Variants in DHTKD1 observed in about 807,000 individuals in gnomAD.
The protein encoded by DHTKD1 is dehydrogenase E1 and transketolase domain containing 1.
Under a neutral mutation model 101.8 loss-of-function variants are expected in DHTKD1, and 78 were observed. The ratio of observed to expected loss-of-function variants is 0.77; its 90% CI spans 0.64 to 0.93. The LOEUF (loss-of-function observed/expected upper bound fraction) is 0.93. DHTKD1 is among the 40% of genes least tolerant of loss of function. The pLI is 0.00. For synonymous variants in DHTKD1, 462 were observed against 450.3 expected (o/e 1.03, Z -0.33); for missense variants, 1,223 against 1,161.7 (o/e 1.05, Z -0.77).
intron 1 of DHTKD1, among the ~76,000 whole-genome samples, chr10:12,077,772 C>T (rs1037291181): frequency 3.3e-5 from 5 of 151,604 alleles, no homozygotes; most frequent in African/African-American, 9.7e-5. Context: ...TACTCATGCT[C>T]TCTAGGGACA....
intron 14 of DHTKD1, 87 bp downstream of exon 14, chr10:12,117,842 G>A (rs1308751445): frequency 1.3e-5 from 2 of 149,400 alleles, no homozygotes; most frequent in Non-Finnish European, 2.4e-5. Context: ...CACAGGTGAT[G>A]CAGATCTCCC....
intron 12 of DHTKD1, among the ~76,000 whole-genome samples, chr10:12,109,926 G>A (rs979015954): frequency 6.6e-6 from 1 of 152,070 alleles, no homozygotes; most frequent in South Asian, 2.1e-4. Flanking sequence ...AGTCTGTCTG[G>A]GACATATTAA....
chr10:12,082,275 G>A (rs1008863632), intron 2 of DHTKD1, among the ~76,000 whole-genome samples: 1 of 152,134 alleles, frequency 6.6e-6, no homozygotes, highest in Non-Finnish European at 1.5e-5. Context: ...ACTCATAGCT[G>A]CTCAGTGGCA....
At chr10:12,100,302 G>GTTTTTTTTT in intron 9 of DHTKD1, 40 bp downstream of exon 9, 2 of 40,430 alleles carry the variant, frequency 4.9e-5, no homozygotes, top group Non-Finnish European at 7.1e-5. Context: ...TTTTTTTTTT[G>GTTTTTTTTT]AGTCTCACCC....
rs574565451 is a variant in DHTKD1 at position 12,074,644 on chromosome 10, T to C, written c.154+5457T>C. ...AAGTGCTGGGATTAGAGGCGTGAGC[T>C]ACCGCGGGTCTTGCTATGTTGCCCC... On this transcript the variant is annotated intron_variant, in intron 1 of 16. Coordinates refer to ENST00000263035, the MANE Select transcript of DHTKD1 (RefSeq NM_018706.7). 7.5e-5 allele frequency among the ~76,000 whole-genome samples: 8 copies of C among 106,048 alleles called. No individual in the cohort carries two copies. The South Asian group carries it at 3.0e-3, about 40-fold the overall frequency. The allele number at this position is 106,048 out of a possible 152,430, so 69.6% of individuals were successfully genotyped here.
intron 6 of DHTKD1, among the ~76,000 whole-genome samples, chr10:12,093,168 C>T (rs1032599313): frequency 2.0e-5 from 3 of 151,920 alleles, no homozygotes; most frequent in East Asian, 1.9e-4. Flanking sequence ...CTCAGCCTCC[C>T]GAGTAGCTGG....
At chr10:12,100,566 G>T (rs1478335249) in intron 9 of DHTKD1, among the ~76,000 whole-genome samples, 5 of 152,144 alleles carry the variant, frequency 3.3e-5, no homozygotes, top group South Asian at 4.2e-4. Flanking sequence ...CCCAGCCAAG[G>T]TAAGAATTTT....
intron 7 of DHTKD1, among the ~76,000 whole-genome samples, chr10:12,097,166 C>A (rs1833083328): frequency 6.6e-6 from 1 of 152,146 alleles, no homozygotes; most frequent in Non-Finnish European, 1.5e-5. Flanking sequence ...GCGAACAACT[C>A]AGTGGCATTT....
chr10:12,118,281 C>G (rs1207446506), intron 14 of DHTKD1, among the ~76,000 whole-genome samples: 2 of 151,994 alleles, frequency 1.3e-5, no homozygotes, highest in African/African-American at 4.8e-5. Flanking sequence ...GAAGAAGGGT[C>G]CCCAGGAATA....
chr10:12,115,101 AACAG>A (rs1833395493), intron 13 of DHTKD1, among the ~76,000 whole-genome samples: 1 of 3,200 alleles, frequency 3.1e-4, no homozygotes, highest in African/African-American at 8.8e-4. Context: ...GGCCTGTTTG[AACAG>A]TTTCTTGAGA....
intron 1 of DHTKD1, among the ~76,000 whole-genome samples, chr10:12,070,779 G>A (rs1030589078): frequency 6.6e-6 from 1 of 152,160 alleles, no homozygotes; most frequent in African/African-American, 2.4e-5. Flanking sequence ...ATGAGCCACC[G>A]TGCCTGGCCA....
intron 11 of DHTKD1, 37 bp downstream of exon 11, chr10:12,106,433 T>C (rs746577728): frequency 3.0e-5 from 48 of 1,609,582 alleles, no homozygotes; most frequent in Non-Finnish European, 3.8e-5. Context: ...CAGGTGGGGG[T>C]CCCTGCGTGG....
chr10:12,069,288 GCCTGAACGCGC>G lies in DHTKD1; in HGVS notation c.154+102_154+112del. ...GTCGGGGTCGGGGAACCGGCTGCCG[GCCTGAACGCGC>G]GGCCGGTGGGGAGGAGGGGGAGGTG... On this transcript the variant is annotated intron_variant, in intron 1 of 16. Coordinates refer to ENST00000263035, the MANE Select transcript of DHTKD1 (RefSeq NM_018706.7). 2.7e-5 allele frequency: 18 copies of G among 662,232 alleles called. No individual in the cohort carries two copies. The East Asian group carries it at 3.0e-4, about 11-fold the overall frequency. 41.0% of individuals were successfully genotyped at this position (662,232 alleles called of 1,614,324 possible).
chr10:12,080,884 T>C (rs1018500561), intron 1 of DHTKD1, among the ~76,000 whole-genome samples: 4 of 150,998 alleles, frequency 2.6e-5, no homozygotes, highest in Admixed American at 2.0e-4. Flanking sequence ...CTGGGCAACA[T>C]GGTTAAACTC....
At chr10:12,078,852 A>T (rs1021215238) in intron 1 of DHTKD1, among the ~76,000 whole-genome samples, 5 of 151,940 alleles carry the variant, frequency 3.3e-5, no homozygotes, top group Non-Finnish European at 7.4e-5. Flanking sequence ...TTTAGTAGAG[A>T]TGGGATTTCA....
At chr10:12,071,451 A>G (rs151298533) in intron 1 of DHTKD1, among the ~76,000 whole-genome samples, 138 of 152,242 alleles carry the variant, frequency 9.1e-4, no homozygotes, top group Middle Eastern at 3.4e-3. Flanking sequence ...ATTTCACATC[A>G]AATCTTTTTA....
chr10:12,101,346 A>C (rs1337086104), intron 10 of DHTKD1, among the ~76,000 whole-genome samples, 165 bp downstream of exon 10: 1 of 152,224 alleles, frequency 6.6e-6, no homozygotes, highest in African/African-American at 2.4e-5. Flanking sequence ...TTGGAATGCA[A>C]GTAACCCCTA....
At chr10:12,096,903 G>C (rs1833079329) in intron 7 of DHTKD1, among the ~76,000 whole-genome samples, 1 of 152,172 alleles carries the variant, frequency 6.6e-6, no homozygotes, top group Non-Finnish European at 1.5e-5. Flanking sequence ...TGGATAGACA[G>C]TGTGGGTCAG....
chr10:12,095,927 TG>T (rs1276231230), intron 7 of DHTKD1, among the ~76,000 whole-genome samples: 1 of 152,178 alleles, frequency 6.6e-6, no homozygotes, highest in East Asian at 1.9e-4. Flanking sequence ...CAGAATCGCT[TG>T]AACTGGGGAG....
Sources: gnomAD v4.1 joint callset for allele counts (sites outside exome capture counted in the v4.1 genomes callset) on GRCh38, gnomAD v4.1.1 for gene constraint, MANE v1.5 for transcripts, NCBI Gene and HGNC (gene_info 2026-07-23, HGNC 2026-07-21) for gene names.